The following NETO1 variants were observed in gnomAD, a reference collection of about 807,000 sequenced individuals.
The protein encoded by NETO1 is neuropilin and tolloid like 1.
In NETO1, 26 loss-of-function variants were observed where a neutral mutation model predicts 61.3. The observed-to-expected ratio is 0.42, with a 90% confidence interval of 0.31 to 0.59. The LOEUF is 0.59. Ranked by LOEUF, NETO1 falls within the 20% of genes least tolerant of loss-of-function variation. The pLI is 0.12. For synonymous variants in NETO1, 225 were observed against 225.8 expected (o/e 1.00, Z 0.03); for missense variants, 531 against 662.8 (o/e 0.80, Z 2.18).
At chr18:72,835,256 G>C in intron 4 of NETO1, 1 of 1,548,596 alleles carries the variant, frequency 6.5e-7, no homozygotes, top group Non-Finnish European at 8.8e-7. Context: ...CCAGAGATGA[G>C]ATGATGGAGA....
intron 4 of NETO1, among the ~76,000 whole-genome samples, chr18:72,803,756 G>A (rs999927283): frequency 2.0e-5 from 3 of 151,030 alleles, no homozygotes; most frequent in African/African-American, 4.9e-5. Context: ...GGGAGGTTGA[G>A]GTTGCAGTCA....
At chr18:72,753,707 C>A (rs2070698739) in intron 8 of NETO1, among the ~76,000 whole-genome samples, 1 of 152,128 alleles carries the variant, frequency 6.6e-6, no homozygotes, top group South Asian at 2.1e-4. Context: ...GCAGTCTTCA[C>A]TTAACTCTTT....
At chr18:72,823,541 G>C (rs1275288867) in intron 4 of NETO1, among the ~76,000 whole-genome samples, 1 of 152,100 alleles carries the variant, frequency 6.6e-6, no homozygotes, top group African/African-American at 2.4e-5. Context: ...AGGGACATCA[G>C]TGAACCCCGA....
intron 4 of NETO1, among the ~76,000 whole-genome samples, chr18:72,822,361 G>T (rs1367950508): frequency 1.3e-5 from 2 of 152,304 alleles, no homozygotes; most frequent in East Asian, 3.9e-4. Context: ...GCCTGGGAAA[G>T]CGGGCACTGG....
intron 4 of NETO1, among the ~76,000 whole-genome samples, chr18:72,800,445 G>A (rs2072467490): frequency 6.6e-6 from 1 of 152,096 alleles, no homozygotes; most frequent in East Asian, 1.9e-4. Flanking sequence ...AGAGTAGACT[G>A]GACATAAGCA....
chr18:72,759,653 T>C (rs540709512), intron 7 of NETO1, among the ~76,000 whole-genome samples: 8 of 152,228 alleles, frequency 5.3e-5, no homozygotes, highest in Non-Finnish European at 1.2e-4. Context: ...CAACGCAGCA[T>C]GTAGTGGCTA....
rs1327075050 is a variant in NETO1 at position 72,787,152 on chromosome 18, AT to A, written c.640-3247del. Among the ~76,000 whole-genome samples the A allele has an allele frequency of 4.0e-5, 6 of 150,636 alleles. No homozygotes were observed. In the East Asian group the frequency reaches 1.2e-3, roughly 31 times the overall value. ...AAATCAAAGCTAAAATCTAGGTATTATACAAACATGTTAAGTGGAACAAAAA... is the reference window on the plus strand; with the variant it reads ...AAATCAAAGCTAAAATCTAGGTATTAACAAACATGTTAAGTGGAACAAAAA... On this transcript the variant is annotated intron_variant, in intron 6 of 10. Coordinates refer to ENST00000327305, the MANE Select transcript of NETO1 (RefSeq NM_138966.5).
At chr18:72,803,808 C>T (rs1031852843) in intron 4 of NETO1, among the ~76,000 whole-genome samples, 13 of 149,274 alleles carry the variant, frequency 8.7e-5, no homozygotes, top group Non-Finnish European at 1.5e-4. Context: ...GCAACAAGAG[C>T]GGAACTCCGT....
At position 72,846,504 on chromosome 18, in the gene NETO1, C is replaced by CAAAAAAAAAAAAAAAAAAAA. The variant is rs35252443; in HGVS notation, c.469+12302_469+12321dup. Among the ~76,000 whole-genome samples, 5 of 13,000 alleles carry CAAAAAAAAAAAAAAAAAAAA rather than the reference C, an allele frequency of 3.8e-4. 1 individual carries two copies. The highest frequency in any genetic ancestry group is 5.1e-4 in the Non-Finnish European group (4 of 7,796). The allele number at this position is 13,000 out of a possible 152,430, so 8.5% of individuals were successfully genotyped here. A position where few individuals can be genotyped will look rare whatever the true frequency, so the allele number is the denominator to read the frequency against. On this transcript the variant is annotated intron_variant, in intron 4 of 10. Coordinates refer to ENST00000327305, the MANE Select transcript of NETO1 (RefSeq NM_138966.5). Reference sequence around the variant, plus strand: ...TGGGCAATGGAGTGAGACTTCATCTCAAAAAAAAAAAAAAAAAAAAAAAAA... The same window carrying CAAAAAAAAAAAAAAAAAAAA: ...TGGGCAATGGAGTGAGACTTCATCTCAAAAAAAAAAAAAAAAAAAAAAAAAAAAAAAAAAAAAAAAAAAAA...
intron 3 of NETO1, among the ~76,000 whole-genome samples, chr18:72,859,358 T>A (rs537414823): frequency 6.6e-6 from 1 of 152,236 alleles, no homozygotes; most frequent in Admixed American, 6.5e-5. Context: ...AGTATTTTTA[T>A]GAAAGGCTGT....
At chr18:72,836,018 G>A (rs776113753) in intron 4 of NETO1, among the ~76,000 whole-genome samples, 2 of 152,118 alleles carry the variant, frequency 1.3e-5, no homozygotes, top group African/African-American at 2.4e-5. Context: ...GAGGGAAGGG[G>A]TAAAAGGAAC....
chr18:72,806,637 A>G (rs1362947838), intron 4 of NETO1, among the ~76,000 whole-genome samples: 1 of 152,190 alleles, frequency 6.6e-6, no homozygotes, highest in East Asian at 1.9e-4. Context: ...AACCTTTCAG[A>G]CAATAAATCT....
At chr18:72,851,586 A>C (rs2074251176) in intron 4 of NETO1, among the ~76,000 whole-genome samples, 1 of 152,174 alleles carries the variant, frequency 6.6e-6, no homozygotes, top group African/African-American at 2.4e-5. Flanking sequence ...AGAACAGGAA[A>C]TGAATCATGC....
At chr18:72,772,793 T>C (rs9319851) in intron 7 of NETO1, among the ~76,000 whole-genome samples, 1 of 58,958 alleles carries the variant, frequency 1.7e-5, no homozygotes, top group Non-Finnish European at 3.3e-5. Context: ...CTCTATATAG[T>C]TCTCTCTCTC....
At chr18:72,835,915 T>C (rs1219833599) in intron 4 of NETO1, among the ~76,000 whole-genome samples, 8 of 152,108 alleles carry the variant, frequency 5.3e-5, no homozygotes, top group Non-Finnish European at 1.0e-4. Flanking sequence ...AAAGAGATAA[T>C]TACAACACAG....
chr18:72,865,547 C>G, intron 1 of NETO1: 1 of 1,603,392 alleles, frequency 6.2e-7, no homozygotes, highest in Non-Finnish European at 8.5e-7. Flanking sequence ...AGTGGGACTA[C>G]AGGAGTCACA....
At chr18:72,817,480 T>C (rs1022900478) in intron 4 of NETO1, among the ~76,000 whole-genome samples, 3 of 152,230 alleles carry the variant, frequency 2.0e-5, no homozygotes, top group Non-Finnish European at 2.9e-5. Context: ...GCATTGTCAC[T>C]GTGTAAGCCA....
chr18:72,861,560 G>A (rs1281364151), intron 3 of NETO1, among the ~76,000 whole-genome samples: 3 of 152,254 alleles, frequency 2.0e-5, no homozygotes, highest in East Asian at 1.9e-4. Flanking sequence ...ATCTTCAGAC[G>A]CACTGAGAAC....
intron 4 of NETO1, among the ~76,000 whole-genome samples, chr18:72,839,366 G>A (rs966488206): frequency 2.6e-5 from 4 of 152,150 alleles, no homozygotes; most frequent in Non-Finnish European, 4.4e-5. Flanking sequence ...CAGGAAAAAC[G>A]ATACAATTTT....
Sources: gnomAD v4.1 joint callset for allele counts (sites outside exome capture counted in the v4.1 genomes callset) on GRCh38, gnomAD v4.1.1 for gene constraint, MANE v1.5 for transcripts, NCBI Gene and HGNC (gene_info 2026-07-23, HGNC 2026-07-21) for gene names.